The following EPOP variants were observed in gnomAD, a reference collection of about 807,000 sequenced individuals.
EPOP encodes elongin BC and Polycomb repressive complex 2-associated protein.
Under a neutral mutation model 18.2 loss-of-function variants are expected in EPOP, and 14 were observed. The ratio of observed to expected loss-of-function variants is 0.77; its 90% CI spans 0.51 to 1.20. The LOEUF (loss-of-function observed/expected upper bound fraction) is 1.20, where lower values mean the gene tolerates loss of function less well. Among genes scored for constraint, EPOP ranks in the 50% most tolerant of loss-of-function variants. The pLI is 0.00. For missense variants in EPOP, 527 were observed against 577.2 expected (o/e 0.91, Z 0.89); for synonymous variants, 252 against 274.9 (o/e 0.92, Z 0.83).
At position 38,673,521 on chromosome 17, in the gene EPOP, C is replaced by A; in HGVS notation, c.975G>T (p.Leu325=). 1 of 1,523,688 alleles carries A rather than the reference C, an allele frequency of 6.6e-7. No individual in the cohort carries two copies. The highest frequency in any genetic ancestry group is 8.8e-7 in the Non-Finnish European group (1 of 1,134,792). The allele number at this position is 1,523,688 out of a possible 1,614,324, so 94.4% of individuals were successfully genotyped here. A position where few individuals can be genotyped will look rare whatever the true frequency, so the allele number is the denominator to read the frequency against. Residue 325 remains leucine, a synonymous_variant, in exon 1 of 1, where the codon CTG becomes CTT. Transcript: ENST00000621654. ...TTAGGTCTCCGTCTTCCCCCACCAC[C>A]AGGGCCGGGGGGCAGGGGAAGCAGT... is the stretch of plus-strand genomic sequence containing the variant. ...LLNCFPCPPA[L]VVGEDGDLKP...
In EPOP at chr17:38,674,621, G is replaced by T; in HGVS notation, c.-126C>A. On this transcript the variant is annotated 5_prime_UTR_variant, in exon 1 of 1. Coordinates refer to ENST00000621654, the MANE Select transcript of EPOP (RefSeq NM_001130677.2). This position sits in a 1 kb window ranked among gnomAD's most constrained non-coding sequence, Gnocchi z 4.5. ...TCGACGGGGAGGTCTCTGCTCACGG[G>T]CGCCCCCGGCCCGCCACCCGGGGCC... The T allele has an allele frequency of 9.9e-7, 1 of 1,012,420 alleles. No homozygotes were observed. Among genetic ancestry groups the T allele is most frequent in the Non-Finnish European group, 1.3e-6 (1 of 745,060 alleles). The allele number at this position is 1,012,420 out of a possible 1,614,324, so 62.7% of individuals were successfully genotyped here. A position where few individuals can be genotyped will look rare whatever the true frequency, so the allele number is the denominator to read the frequency against.
Position 38,673,555 on chromosome 17 carries a change from C to A in EPOP, c.941G>T (p.Ser314Ile). 2.0e-6 allele frequency: 3 copies of A among 1,489,944 alleles called. No individual in the cohort carries two copies. The highest frequency in any genetic ancestry group is 2.9e-5 in the African/African-American group (2 of 69,844). 92.3% of individuals were successfully genotyped at this position (1,489,944 alleles called of 1,614,324 possible). ...APTLPTTSTF[S>I]LLNCFPCPPA... ...GGGGCAGGGGAAGCAGTTGAGGAGG[C>A]TGAAGGTGCTCGTGGTGGGGAGCGT... Residue 314 changes from serine (S) to isoleucine (I), a missense_variant, in exon 1 of 1, where the codon AGC becomes ATC. Coordinates refer to ENST00000621654, the MANE Select transcript of EPOP (RefSeq NM_001130677.2).
In EPOP at chr17:38,672,501, G is replaced by A. The variant is rs1234977437; in HGVS notation, c.*855C>T. 1.3e-5 allele frequency: 2 copies of A among 152,184 alleles called. No individual in the cohort carries two copies. 9.4% of individuals were successfully genotyped at this position (152,184 alleles called of 1,614,324 possible). ...ACCTTCTATTACTTTCCCTGGGACAGTGTCTAGCCCCTTCCCCAGGCAAAG... is the reference window on the plus strand; with the variant it reads ...ACCTTCTATTACTTTCCCTGGGACAATGTCTAGCCCCTTCCCCAGGCAAAG... On this transcript the variant is annotated 3_prime_UTR_variant, in exon 1 of 1. Transcript: ENST00000621654.
Position 38,673,737 on chromosome 17 carries a change from T to C in EPOP, c.759A>G (p.Lys253=). Residue 253 remains lysine, a synonymous_variant, in exon 1 of 1, where the codon AAA becomes AAG. Transcript: ENST00000621654. ...CGAAGCCCTTCGCGTAACACCAAAG[T>C]TTCGACCGGCGGATCAGACGATCGA... ...EHFDRLIRRS[K]LWCYAKGFAL... 1 of 1,529,300 alleles carries C rather than the reference T, an allele frequency of 6.5e-7. No homozygotes were observed. The highest frequency in any genetic ancestry group is 1.2e-5 in the South Asian group (1 of 81,978). The allele number at this position is 1,529,300 out of a possible 1,614,324, so 94.7% of individuals were successfully genotyped here. A position where few individuals can be genotyped will look rare whatever the true frequency, so the allele number is the denominator to read the frequency against.
At position 38,674,419 on chromosome 17, in the gene EPOP, CG is replaced by C; in HGVS notation, c.76del (p.Arg26GlyfsTer62). 1 of 1,542,660 alleles carries C rather than the reference CG, an allele frequency of 6.5e-7. No homozygotes were observed. Reference sequence around the variant, plus strand: ...TTCCTGGGTCCCCCGACACGGCTTCCGGGGCGTGGGGGAGCAGGGCGACCCT... The same window carrying C: ...TTCCTGGGTCCCCCGACACGGCTTCCGGGCGTGGGGGAGCAGGGCGACCCT... ...PRGSPCSPTP[R>X]KPCRGTQEFS... On this transcript the variant is annotated frameshift_variant, in exon 1 of 1. Coordinates refer to ENST00000621654, the MANE Select transcript of EPOP (RefSeq NM_001130677.2). LOFTEE classifies it high-confidence loss of function. The surrounding 1 kb of genome is among the most constrained non-coding windows in gnomAD (Gnocchi z 4.5).
In EPOP at chr17:38,674,545, G is replaced by T. The variant is rs1347710336; in HGVS notation, c.-50C>A. The T allele has an allele frequency of 6.9e-7, 1 of 1,439,144 alleles. No individual in the cohort carries two copies. Among genetic ancestry groups the T allele is most frequent in the South Asian group, 1.4e-5 (1 of 71,350 alleles). The allele number at this position is 1,439,144 out of a possible 1,614,324, so 89.1% of individuals were successfully genotyped here. On this transcript the variant is annotated 5_prime_UTR_variant, in exon 1 of 1. Coordinates refer to ENST00000621654, the MANE Select transcript of EPOP (RefSeq NM_001130677.2). This position sits in a 1 kb window ranked among gnomAD's most constrained non-coding sequence, Gnocchi z 4.5. ...GAGCGGGTCCAGGTCCCAGCGGCGG[G>T]ATGCCCTGGCTGCCCGAAGAGCCCA...
At position 38,673,463 on chromosome 17, in the gene EPOP, A is replaced by C. The variant is rs748206400; in HGVS notation, c.1033T>G (p.Ser345Ala). Residue 345 changes from serine (S) to alanine (A), a missense_variant, in exon 1 of 1, where the codon TCT (serine) becomes GCT (alanine). By Grantham distance (99) the Ser-to-Ala change is moderately conservative. Coordinates refer to ENST00000621654, the MANE Select transcript of EPOP (RefSeq NM_001130677.2). ...AGCGGGTGGGCGGGCGGGGGCTTAG[A>C]GTCTCCCTGGAGGCGAAGCGAGGAT... ...PASSLRLQGD[S>A]KPPPAHPLWR... 2.6e-6 allele frequency: 4 copies of C among 1,535,944 alleles called. No individual in the cohort carries two copies. The highest frequency in any genetic ancestry group is 1.2e-5 in the South Asian group (1 of 82,542).
In EPOP at chr17:38,674,614, C is replaced by A; in HGVS notation, c.-119G>T. ...CCCCCCGTCGACGGGGAGGTCTCTG[C>A]TCACGGGCGCCCCCGGCCCGCCACC... On this transcript the variant is annotated 5_prime_UTR_variant, in exon 1 of 1. Coordinates refer to ENST00000621654, the MANE Select transcript of EPOP (RefSeq NM_001130677.2). The surrounding 1 kb of genome is among the most constrained non-coding windows in gnomAD (Gnocchi z 4.5). 1 of 1,090,076 alleles carries A rather than the reference C, an allele frequency of 9.2e-7. No individual in the cohort carries two copies. Among genetic ancestry groups the A allele is most frequent in the Non-Finnish European group, 1.2e-6 (1 of 813,418 alleles). The allele number at this position is 1,090,076 out of a possible 1,614,324, so 67.5% of individuals were successfully genotyped here. A position where few individuals can be genotyped will look rare whatever the true frequency, so the allele number is the denominator to read the frequency against.
rs1211459225 is a variant in EPOP, at chr17:38,673,431, C to T, written c.1065G>A (p.Arg355=). The change falls in exon 1 of 1, where the codon AGG becomes AGA. Residue 355 remains arginine (R), a synonymous_variant. Transcript: ENST00000621654. The part of the protein sequence containing the change: ...SKPPPAHPLW[R]WQMGGPAVPE... Reference sequence around the variant, plus strand: ...GGACAGCGGGACCCCCCATCTGCCACCTCCACAGCGGGTGGGCGGGCGGGG... The same window carrying T: ...GGACAGCGGGACCCCCCATCTGCCATCTCCACAGCGGGTGGGCGGGCGGGG... The T allele has an allele frequency of 6.6e-7, 1 of 1,505,666 alleles. No homozygotes were observed. The highest frequency in any genetic ancestry group is 8.9e-7 in the Non-Finnish European group (1 of 1,128,388). The allele number at this position is 1,505,666 out of a possible 1,614,324, so 93.3% of individuals were successfully genotyped here.
In EPOP at chr17:38,674,658, G is replaced by T. The variant is rs1006963911; in HGVS notation, c.-163C>A. On this transcript the variant is annotated 5_prime_UTR_variant, in exon 1 of 1. Coordinates refer to ENST00000621654, the MANE Select transcript of EPOP (RefSeq NM_001130677.2). The surrounding 1 kb of genome is among the most constrained non-coding windows in gnomAD (Gnocchi z 4.5). Reference sequence around the variant, plus strand: ...CGCCACCCGGGGCCGCAGAGCTCGGGCTCCCTCTTCGCTCTCCTCACGCGG... The same window carrying T: ...CGCCACCCGGGGCCGCAGAGCTCGGTCTCCCTCTTCGCTCTCCTCACGCGG... 2.2e-5 allele frequency: 14 copies of T among 637,346 alleles called. No individual in the cohort carries two copies. Among genetic ancestry groups the T allele is most frequent in the Non-Finnish European group, 1.2e-5 (5 of 409,440 alleles). 39.5% of individuals were successfully genotyped at this position (637,346 alleles called of 1,614,324 possible). A position where few individuals can be genotyped will look rare whatever the true frequency, so the allele number is the denominator to read the frequency against.
At position 38,674,245 on chromosome 17, in the gene EPOP, G is replaced by A. The variant is rs766878152; in HGVS notation, c.251C>T (p.Pro84Leu). The A allele has an allele frequency of 6.3e-6, 9 of 1,431,924 alleles. No individual in the cohort carries two copies. The highest frequency in any genetic ancestry group is 2.4e-4 in the Middle Eastern group (1 of 4,142). The allele number at this position is 1,431,924 out of a possible 1,614,324, so 88.7% of individuals were successfully genotyped here. Residue 84 changes from proline (P) to leucine (L), a missense_variant, in exon 1 of 1, where the codon CCG becomes CTG. Pro to Leu is a moderately conservative substitution (Grantham distance 98, BLOSUM62 -3). Transcript: ENST00000621654. This position sits in a 1 kb window ranked among gnomAD's most constrained non-coding sequence, Gnocchi z 4.5. ...TGCCCAGAGGTGCTTCAGGCCATCC[G>A]GGGCCCAGCCGCCAGGGCGCAGGGG... ...QAPLRPGGWAPDGLKHLWAPT... is the reference protein window; with the variant it reads ...QAPLRPGGWALDGLKHLWAPT...
In EPOP at chr17:38,674,296, G is replaced by T; in HGVS notation, c.200C>A (p.Ser67Tyr). 2.0e-6 allele frequency: 3 copies of T among 1,521,898 alleles called. No individual in the cohort carries two copies. Among genetic ancestry groups the T allele is most frequent in the Non-Finnish European group, 2.6e-6 (3 of 1,140,370 alleles). The allele number at this position is 1,521,898 out of a possible 1,614,324, so 94.3% of individuals were successfully genotyped here. A position where few individuals can be genotyped will look rare whatever the true frequency, so the allele number is the denominator to read the frequency against. The change falls in exon 1 of 1, where the codon TCC becomes TAC. Residue 67 changes from serine to tyrosine, a missense_variant. By Grantham distance (144) the Ser-to-Tyr change is moderately radical. Coordinates refer to ENST00000621654, the MANE Select transcript of EPOP (RefSeq NM_001130677.2). This position sits in a 1 kb window ranked among gnomAD's most constrained non-coding sequence, Gnocchi z 4.5. ...GGCCTGAGGGCCCCGCAGCACTGGG[G>T]ACCGCGCCGCCAGCTCCCCAGGCCC... is the stretch of plus-strand genomic sequence containing the variant. Reference protein sequence around the residue: ...GPGPGELAARSPVLRGPQAPL... With the variant: ...GPGPGELAARYPVLRGPQAPL...
chr17:38,673,611 C>A lies in EPOP; in HGVS notation c.885G>T (p.Pro295=). ...AKKRRLPAPP[P]RTAQPRRPAP... is the part of the protein sequence containing the mutation. Reference sequence around the variant, plus strand: ...CAGGGCGGCGGGGCTGCGCGGTGCGCGGAGGGGGCGCCGGCAGCCGGCGTT... The same window carrying A: ...CAGGGCGGCGGGGCTGCGCGGTGCGAGGAGGGGGCGCCGGCAGCCGGCGTT... The change falls in exon 1 of 1, where the codon CCG becomes CCT. Residue 295 remains proline, a synonymous_variant. Coordinates refer to ENST00000621654, the MANE Select transcript of EPOP (RefSeq NM_001130677.2). 1 of 1,504,236 alleles carries A rather than the reference C, an allele frequency of 6.6e-7. No individual in the cohort carries two copies. The highest frequency in any genetic ancestry group is 1.3e-5 in the South Asian group (1 of 78,362). 93.2% of individuals were successfully genotyped at this position (1,504,236 alleles called of 1,614,324 possible).
In EPOP at chr17:38,673,024, T is replaced by TG. The variant is rs952726403; in HGVS notation, c.*331dup. ...TCTCTCTTCTCCCCTTTTTTTTGGG[T>TG]GGGGGGGTGTCTTTGAGCGGTGGCC... is the stretch of plus-strand genomic sequence containing the variant. On this transcript the variant is annotated 3_prime_UTR_variant, in exon 1 of 1. Coordinates refer to ENST00000621654, the MANE Select transcript of EPOP (RefSeq NM_001130677.2). 1.4e-4 allele frequency: 37 copies of TG among 258,704 alleles called. No homozygotes were observed. Among genetic ancestry groups the TG allele is most frequent in the Non-Finnish European group, 2.0e-4 (28 of 138,504 alleles). 16.0% of individuals were successfully genotyped at this position (258,704 alleles called of 1,614,324 possible).
Position 38,673,128 on chromosome 17 carries a change from T to C in EPOP, c.*228A>G, listed in dbSNP as rs1378182039. The C allele has an allele frequency of 3.2e-6, 2 of 621,296 alleles. No homozygotes were observed. Among genetic ancestry groups the C allele is most frequent in the Non-Finnish European group, 4.9e-6 (2 of 409,146 alleles). The allele number at this position is 621,296 out of a possible 1,614,324, so 38.5% of individuals were successfully genotyped here. A position where few individuals can be genotyped will look rare whatever the true frequency, so the allele number is the denominator to read the frequency against. The stretch of plus-strand genomic sequence containing the variant: ...GAGGCAGGGATTGGAATCTATGTCA[T>C]CAGCCTTCTCCCGACTCCAGCCCTG... On this transcript the variant is annotated 3_prime_UTR_variant, in exon 1 of 1. Transcript: ENST00000621654.
In EPOP at chr17:38,674,016, C is replaced by T. The variant is rs1597973486; in HGVS notation, c.480G>A (p.Pro160=). The change falls in exon 1 of 1, where the codon CCG becomes CCA. Residue 160 remains proline (P), a synonymous_variant. Coordinates refer to ENST00000621654, the MANE Select transcript of EPOP (RefSeq NM_001130677.2). The surrounding 1 kb of genome is among the most constrained non-coding windows in gnomAD (Gnocchi z 4.5). Reference sequence around the variant, plus strand: ...CACGCTGAGGCTCGAGACCCGGGGCCGGGCGAGGCGGGGCCGAGGCGAAGC... The same window carrying T: ...CACGCTGAGGCTCGAGACCCGGGGCTGGGCGAGGCGGGGCCGAGGCGAAGC... The part of the protein sequence containing the change: ...TTSFASAPPR[P]APGLEPQRGP... The T allele has an allele frequency of 1.2e-5, 17 of 1,387,260 alleles. 1 individual carries two copies. The highest frequency in any genetic ancestry group is 1.1e-4 in the African/African-American group (7 of 65,498). The allele number at this position is 1,387,260 out of a possible 1,614,324, so 85.9% of individuals were successfully genotyped here. A position where few individuals can be genotyped will look rare whatever the true frequency, so the allele number is the denominator to read the frequency against.
At position 38,674,268 on chromosome 17, in the gene EPOP, G is replaced by A; in HGVS notation, c.228C>T (p.Pro76=). Residue 76 remains proline (P), a synonymous_variant, in exon 1 of 1, where the codon CCC becomes CCT. Transcript: ENST00000621654. The surrounding 1 kb of genome is among the most constrained non-coding windows in gnomAD (Gnocchi z 4.5). ...CCGGGGCCCAGCCGCCAGGGCGCAGGGGGGCCTGAGGGCCCCGCAGCACTG... is the reference window on the plus strand; with the variant it reads ...CCGGGGCCCAGCCGCCAGGGCGCAGAGGGGCCTGAGGGCCCCGCAGCACTG... ...RSPVLRGPQA[P]LRPGGWAPDG... 6.8e-7 allele frequency: 1 copy of A among 1,463,368 alleles called. No individual in the cohort carries two copies. The highest frequency in any genetic ancestry group is 8.9e-7 in the Non-Finnish European group (1 of 1,117,680). 90.6% of individuals were successfully genotyped at this position (1,463,368 alleles called of 1,614,324 possible). A position where few individuals can be genotyped will look rare whatever the true frequency, so the allele number is the denominator to read the frequency against.
At position 38,674,372 on chromosome 17, in the gene EPOP, C is replaced by A; in HGVS notation, c.124G>T (p.Ala42Ser). ...TTGGCAAGGGCGCAGAAGGCGAGGGCACGCAGGCACAGCGGAGAGAATTCC... is the reference window on the plus strand; with the variant it reads ...TTGGCAAGGGCGCAGAAGGCGAGGGAACGCAGGCACAGCGGAGAGAATTCC... ...TQEFSPLCLR[A>S]LAFCALAKPR... Residue 42 changes from alanine to serine, a missense_variant, in exon 1 of 1, where the codon GCC (alanine) becomes TCC (serine). Ala to Ser is a moderately conservative substitution (Grantham distance 99). Coordinates refer to ENST00000621654, the MANE Select transcript of EPOP (RefSeq NM_001130677.2). This position sits in a 1 kb window ranked among gnomAD's most constrained non-coding sequence, Gnocchi z 4.5. 1.3e-6 allele frequency: 2 copies of A among 1,543,288 alleles called. No individual in the cohort carries two copies. The highest frequency in any genetic ancestry group is 1.7e-6 in the Non-Finnish European group (2 of 1,146,220).
At position 38,674,138 on chromosome 17, in the gene EPOP, C is replaced by T. The variant is rs1012843109; in HGVS notation, c.358G>A (p.Glu120Lys). The T allele has an allele frequency of 2.1e-6, 3 of 1,451,312 alleles. No individual in the cohort carries two copies. The highest frequency in any genetic ancestry group is 1.5e-5 in the African/African-American group (1 of 67,124). 89.9% of individuals were successfully genotyped at this position (1,451,312 alleles called of 1,614,324 possible). ...VAACPRRGEEEEGGGGFPHFG... is the reference protein window; with the variant it reads ...VAACPRRGEEKEGGGGFPHFG... ...TGCGGGAAACCGCCTCCGCCCTCTTCCTCCTCTCCGCGGCGGGGGCACGCT... is the reference window on the plus strand; with the variant it reads ...TGCGGGAAACCGCCTCCGCCCTCTTTCTCCTCTCCGCGGCGGGGGCACGCT... The change falls in exon 1 of 1, where the codon GAA becomes AAA. Residue 120 changes from glutamate (E) to lysine (K), a missense_variant. Transcript: ENST00000621654. This position sits in a 1 kb window ranked among gnomAD's most constrained non-coding sequence, Gnocchi z 4.5.
Sources: allele counts gnomAD v4.1 joint callset, GRCh38; gene constraint gnomAD v4.1.1; non-coding constraint Gnocchi (gnomAD v3.1); transcripts MANE v1.5; gene names NCBI Gene and HGNC (gene_info 2026-07-23, HGNC 2026-07-21).